DHRSX: variants seen among roughly 807,000 people sequenced by gnomAD.
DHRSX encodes polyprenol dehydrogenase.
A neutral mutation model predicts 34.0 loss-of-function variants in DHRSX; 31 were observed. The observed-to-expected ratio is 0.91, with a 90% CI of 0.69 to 1.23. DHRSX has a LOEUF of 1.23. Among genes scored for constraint, DHRSX ranks in the 50% most tolerant of loss-of-function variants. The probability of loss-of-function intolerance (pLI) is 0.00; values close to 1 mark genes in which losing one functional copy is unlikely to be tolerated. For missense variants in DHRSX, 414 were observed against 428.1 expected (o/e 0.97, Z 0.29); for synonymous variants, 201 against 183.8 (o/e 1.09, Z -0.76).
At chrX:2,438,034 G>T (rs1244156958) in intron 1 of DHRSX, among the ~76,000 whole-genome samples, 1 of 151,072 alleles carries the variant, frequency 6.6e-6, no homozygotes, top group African/African-American at 2.4e-5. Flanking sequence ...AATTCTGGCC[G>T]GGCGCGGTGG....
intron 4 of DHRSX, among the ~76,000 whole-genome samples, chrX:2,272,143 A>C (rs2041565285): frequency 6.6e-6 from 1 of 152,202 alleles, no homozygotes. Flanking sequence ...AACAAAAAAA[A>C]ACCAACAACA....
At chrX:2,361,695 C>T (rs950590477) in intron 3 of DHRSX, among the ~76,000 whole-genome samples, 3 of 152,144 alleles carry the variant, frequency 2.0e-5, no homozygotes, top group African/African-American at 7.2e-5. Context: ...ACAGCAAGCC[C>T]TACCCTGTTT....
intron 3 of DHRSX, among the ~76,000 whole-genome samples, chrX:2,362,638 T>C (rs1314523616): frequency 6.6e-6 from 1 of 152,108 alleles, no homozygotes. Context: ...GGTGGAGGAG[T>C]TGAACACTGG....
intron 3 of DHRSX, among the ~76,000 whole-genome samples, chrX:2,298,179 G>A (rs1287801747): frequency 6.6e-6 from 1 of 152,076 alleles, no homozygotes; most frequent in Non-Finnish European, 1.5e-5. Context: ...GGAGCCCCCA[G>A]GAGCTGGGGG....
chrX:2,321,226 G>A (rs1198783604), intron 3 of DHRSX, among the ~76,000 whole-genome samples: 3 of 152,146 alleles, frequency 2.0e-5, no homozygotes, highest in Non-Finnish European at 4.4e-5. Context: ...GGGCGATGAT[G>A]ATCCGATTTC....
chrX:2,325,193 C>T lies in DHRSX; in HGVS notation c.287-33590G>A, dbSNP rs1408888628. Among the ~76,000 whole-genome samples the T allele has an allele frequency of 3.3e-5, 5 of 151,974 alleles. 1 individual carries two copies. The highest frequency in any genetic ancestry group is 1.9e-4 in the East Asian group (1 of 5,188). On this transcript the variant is annotated intron_variant, in intron 3 of 6. Coordinates refer to ENST00000334651, the MANE Select transcript of DHRSX (RefSeq NM_145177.3). ...CTTGTACGGGTGAATGTCGGGAGGA[C>T]CTAGGGACTAGACACGTTCAAGATG...
At chrX:2,385,964 C>T (rs1232785148) in intron 3 of DHRSX, among the ~76,000 whole-genome samples, 3 of 151,928 alleles carry the variant, frequency 2.0e-5, no homozygotes, top group Non-Finnish European at 4.4e-5. Flanking sequence ...GTCTCTGTTG[C>T]AACTCTTCAA....
chrX:2,363,221 T>A (rs1408522178), intron 3 of DHRSX, among the ~76,000 whole-genome samples: 1 of 121,482 alleles, frequency 8.2e-6, no homozygotes, highest in Admixed American at 8.0e-5. Context: ...ATCACCGTTC[T>A]ATGGTATCAT....
chrX:2,333,671 C>T (rs1385701187), intron 3 of DHRSX, among the ~76,000 whole-genome samples: 11 of 152,084 alleles, frequency 7.2e-5, no homozygotes, highest in Admixed American at 7.2e-4. Context: ...CCTCGGCCTC[C>T]CAAAGTGCTG....
chrX:2,232,830 C>T (rs1390808700), intron 6 of DHRSX, among the ~76,000 whole-genome samples: 2 of 151,964 alleles, frequency 1.3e-5, no homozygotes, highest in Admixed American at 1.3e-4. Flanking sequence ...TGTCAGCCTC[C>T]AAAAGTGCTG....
chrX:2,370,780 T>C (rs1456517804), intron 3 of DHRSX, among the ~76,000 whole-genome samples: 1 of 152,034 alleles, frequency 6.6e-6, no homozygotes, highest in Non-Finnish European at 1.5e-5. Context: ...TGGGTTTCTC[T>C]CCTCCTATCA....
chrX:2,271,820 TC>T (rs1453245906), intron 4 of DHRSX, among the ~76,000 whole-genome samples: 1 of 151,942 alleles, frequency 6.6e-6, no homozygotes, highest in African/African-American at 2.4e-5. Flanking sequence ...AGCGGGCAGA[TC>T]AGTTCAGGTC....
At chrX:2,314,495 T>TAAGGGAGGA (rs2042218470) in intron 3 of DHRSX, among the ~76,000 whole-genome samples, 1 of 18,376 alleles carries the variant, frequency 5.4e-5, no homozygotes, top group African/African-American at 1.4e-4. Context: ...GGAAGGGAGG[T>TAAGGGAGGA]AAAGGAGGTA....
intron 1 of DHRSX, among the ~76,000 whole-genome samples, chrX:2,449,355 C>T (rs1406829340): frequency 2.0e-5 from 3 of 152,122 alleles, no homozygotes; most frequent in African/African-American, 7.2e-5. Flanking sequence ...TAACACACAC[C>T]ATGGCAGGGC....
chrX:2,373,145 T>C (rs2043099796), intron 3 of DHRSX, among the ~76,000 whole-genome samples: 1 of 152,148 alleles, frequency 6.6e-6, no homozygotes, highest in Non-Finnish European at 1.5e-5. Flanking sequence ...CTTCCATTTA[T>C]AAAACATCAG....
chrX:2,254,985 A>C (rs1179496725), intron 5 of DHRSX, among the ~76,000 whole-genome samples: 1 of 91,860 alleles, frequency 1.1e-5, no homozygotes, highest in African/African-American at 4.3e-5. Context: ...TTTGAGAGGG[A>C]GTCTTGCTCT....
At chrX:2,299,823 C>A (rs889040498) in intron 3 of DHRSX, among the ~76,000 whole-genome samples, 1 of 150,736 alleles carries the variant, frequency 6.6e-6, no homozygotes, top group Non-Finnish European at 1.5e-5. Flanking sequence ...CCACTGCACT[C>A]CAGCCTGGGC....
At chrX:2,395,892 TA>T (rs2043403573) in intron 3 of DHRSX, among the ~76,000 whole-genome samples, 1 of 152,114 alleles carries the variant, frequency 6.6e-6, no homozygotes, top group South Asian at 2.1e-4. Context: ...CTGCCCGATC[TA>T]TGTCTCTACT....
At chrX:2,500,716 C>G (rs2045405708) in intron 1 of DHRSX, 101 bp downstream of exon 1, 1 of 386,286 alleles carries the variant, frequency 2.6e-6, no homozygotes, top group Non-Finnish European at 3.6e-6. Flanking sequence ...GGAGCGCCAC[C>G]GCCTCGCCAA....
Sources: allele counts gnomAD v4.1 joint callset (sites outside exome capture counted in the v4.1 genomes callset), GRCh38; gene constraint gnomAD v4.1.1; transcripts MANE v1.5; gene names NCBI Gene and HGNC (gene_info 2026-07-23, HGNC 2026-07-21).